ADAMTS2: variants seen among roughly 807,000 people sequenced by gnomAD.
ADAMTS2 encodes ADAM metallopeptidase with thrombospondin type 1 motif 2.
Under a neutral mutation model 123.0 loss-of-function variants are expected in ADAMTS2, and 50 were observed. The observed-to-expected ratio is 0.41, with a 90% confidence interval of 0.32 to 0.51. The LOEUF (loss-of-function observed/expected upper bound fraction) is 0.51. Ranked by LOEUF, ADAMTS2 falls within the 20% of genes least tolerant of loss-of-function variation. ADAMTS2 has a pLI of 0.35. For synonymous variants in ADAMTS2, 678 were observed against 695.4 expected, an observed-to-expected ratio of 0.98 and a Z score of 0.39; for missense variants, 1,494 against 1,705.2, an observed-to-expected ratio of 0.88 and a Z score of 2.18.
chr5:179,159,010 C>G (rs372378123), intron 5 of ADAMTS2, 131 bp from the exon 6 acceptor site: 2 of 1,238,374 alleles, frequency 1.6e-6, no homozygotes, highest in African/African-American at 3.0e-5. Flanking sequence ...AGGCCCTGCC[C>G]GGTCACTCTC....
chr5:179,180,934 T>C lies in ADAMTS2; in HGVS notation c.975+138A>G, dbSNP rs116237889. ...AAGGGAGCAGGGATCTTGTTTCTTA[T>C]AGGAACCTCAGGGGAGCCAGGGAGA... On this transcript the variant is annotated intron_variant, in intron 5 of 21. Coordinates refer to ENST00000251582, the MANE Select transcript of ADAMTS2 (RefSeq NM_014244.5). The surrounding 1 kb of genome is among the most constrained non-coding windows in gnomAD (Gnocchi z 4.6). 2,878 of 685,922 alleles carry C rather than the reference T, an allele frequency of 4.2e-3. 56 individuals carry two copies. The African/African-American group carries it at 0.044, about 11-fold the overall frequency. 42.5% of individuals were successfully genotyped at this position (685,922 alleles called of 1,614,324 possible).
In ADAMTS2 at chr5:179,325,404, G is replaced by A. The variant is rs142730222; in HGVS notation, c.534+18363C>T. Among the ~76,000 whole-genome samples the A allele has an allele frequency of 2.2e-3, 337 of 152,322 alleles. 4 individuals carry two copies. Among genetic ancestry groups the A allele is most frequent in the African/African-American group, 7.7e-3 (320 of 41,562 alleles). On this transcript the variant is annotated intron_variant, in intron 2 of 21. Transcript: ENST00000251582. ...AGGGAGAAGACAGGGCAGATGTCCTGGAGACAGAAGGCAATGGGGACCCAT... is the reference window on the plus strand; with the variant it reads ...AGGGAGAAGACAGGGCAGATGTCCTAGAGACAGAAGGCAATGGGGACCCAT...
In ADAMTS2 at chr5:179,188,819, G is replaced by A. The variant is rs1269600473; in HGVS notation, c.892-7664C>T. 1.3e-5 allele frequency among the ~76,000 whole-genome samples: 2 copies of A among 152,146 alleles called. No homozygotes were observed. The highest frequency in any genetic ancestry group is 2.1e-4 in the South Asian group (1 of 4,824). ...ACGGGGCTCCTCCACTTCCAGGCCA[G>A]CTCATCAATGCACAGAGCCCAGCAG... On this transcript the variant is annotated intron_variant, in intron 4 of 21. Coordinates refer to ENST00000251582, the MANE Select transcript of ADAMTS2 (RefSeq NM_014244.5). This position sits in a 1 kb window ranked among gnomAD's most constrained non-coding sequence, Gnocchi z 5.1.
chr5:179,153,989 C>G, intron 8 of ADAMTS2, 60 bp downstream of exon 8: 1 of 1,557,284 alleles, frequency 6.4e-7, no homozygotes, highest in Non-Finnish European at 8.7e-7. Context: ...GACTTGCACC[C>G]TCCCAGAGCT....
intron 4 of ADAMTS2, among the ~76,000 whole-genome samples, chr5:179,195,133 G>A (rs541326898): frequency 2.7e-4 from 41 of 152,262 alleles, no homozygotes; most frequent in African/African-American, 9.6e-4. Context: ...TCCTGATCCC[G>A]CTCCCCATAC....
At chr5:179,124,876 T>C (rs1028227551) in intron 19 of ADAMTS2, 97 bp downstream of exon 19, 19 of 1,597,108 alleles carry the variant, frequency 1.2e-5, no homozygotes, top group Non-Finnish European at 1.5e-5. Context: ...CGGGTGGTGG[T>C]GTTGTGTAGC....
At chr5:179,151,082 A>G (rs1406559189) in intron 10 of ADAMTS2, 1 of 356,458 alleles carries the variant, frequency 2.8e-6, no homozygotes, top group Non-Finnish European at 5.8e-6. Context: ...TTTTTAGTAG[A>G]GACGGGATTT....
At chr5:179,183,916 T>C (rs1281698136) in intron 4 of ADAMTS2, among the ~76,000 whole-genome samples, 3 of 152,102 alleles carry the variant, frequency 2.0e-5, no homozygotes, top group Non-Finnish European at 4.4e-5. Flanking sequence ...CTGCATCCTC[T>C]CTCTCTGCCG....
At chr5:179,241,470 T>C (rs1765670716) in intron 3 of ADAMTS2, among the ~76,000 whole-genome samples, 1 of 152,230 alleles carries the variant, frequency 6.6e-6, no homozygotes. Flanking sequence ...GTTGTTATTC[T>C]GCTCTTTCAT....
At position 179,118,458 on chromosome 5, in the gene ADAMTS2, A is replaced by G. The variant is rs1219393231; in HGVS notation, c.3178+3203T>C. Among the ~76,000 whole-genome samples, 1 of 152,196 alleles carries G rather than the reference A, an allele frequency of 6.6e-6. No individual in the cohort carries two copies. Among genetic ancestry groups the G allele is most frequent in the East Asian group, 1.9e-4 (1 of 5,200 alleles). On this transcript the variant is annotated intron_variant, in intron 21 of 21. Coordinates refer to ENST00000251582, the MANE Select transcript of ADAMTS2 (RefSeq NM_014244.5). The surrounding 1 kb of genome is among the most constrained non-coding windows in gnomAD (Gnocchi z 4.5). ...ATTGTCTTCCAGTGAATGACAATCA[A>G]CCATTGAGAGTAAACACAGTTTTCA...
rs965334236 is a variant in ADAMTS2, at chr5:179,137,323, T to C, written c.1951+446A>G. Among the ~76,000 whole-genome samples, 4 of 152,214 alleles carry C rather than the reference T, an allele frequency of 2.6e-5. No individual in the cohort carries two copies. In the East Asian group the frequency reaches 7.7e-4, roughly 29 times the overall value. Reference sequence around the variant, plus strand: ...CTCCTCAGGTCCCTGAGCCAATAAATGCCTTCTAGTGCTGAAACCGGTTGG... The same window carrying C: ...CTCCTCAGGTCCCTGAGCCAATAAACGCCTTCTAGTGCTGAAACCGGTTGG... On this transcript the variant is annotated intron_variant, in intron 12 of 21. Coordinates refer to ENST00000251582, the MANE Select transcript of ADAMTS2 (RefSeq NM_014244.5).
intron 2 of ADAMTS2, among the ~76,000 whole-genome samples, chr5:179,335,317 A>G (rs185006249): frequency 1.0e-3 from 152 of 152,316 alleles, no homozygotes; most frequent in African/African-American, 3.5e-3. Context: ...CTTTAAAATG[A>G]TCTATTAAAC....
At chr5:179,133,025 T>C (rs1762992905) in intron 13 of ADAMTS2, 125 bp from the exon 14 acceptor site, 15 of 1,337,790 alleles carry the variant, frequency 1.1e-5, no homozygotes, top group South Asian at 8.8e-5. Context: ...TCCCAAAGCA[T>C]TGGGATTACA....
chr5:179,119,393 G>A (rs760787113), intron 21 of ADAMTS2, among the ~76,000 whole-genome samples: 1 of 152,152 alleles, frequency 6.6e-6, no homozygotes, highest in Admixed American at 6.5e-5. Flanking sequence ...GGCCTTCCAC[G>A]CTTTCTTCCC....
At chr5:179,281,589 C>T (rs1296036106) in intron 2 of ADAMTS2, among the ~76,000 whole-genome samples, 2 of 152,138 alleles carry the variant, frequency 1.3e-5, no homozygotes, top group Non-Finnish European at 2.9e-5. Context: ...ATCCATTTGC[C>T]GGTTGATGGA....
intron 4 of ADAMTS2, among the ~76,000 whole-genome samples, chr5:179,206,370 C>G (rs550728459): frequency 6.6e-6 from 1 of 152,258 alleles, no homozygotes; most frequent in Non-Finnish European, 1.5e-5. Flanking sequence ...ACCCCTGGTC[C>G]GAAAAGCAGA....
chr5:179,147,765 G>A (rs1763278397), intron 10 of ADAMTS2, among the ~76,000 whole-genome samples: 1 of 152,180 alleles, frequency 6.6e-6, no homozygotes, highest in South Asian at 2.1e-4. Context: ...TGTAGCCAAA[G>A]CAGCAAAATG....
chr5:179,151,064 T>C (rs1480753083), intron 10 of ADAMTS2: 5 of 322,104 alleles, frequency 1.6e-5, no homozygotes, highest in Admixed American at 3.7e-5. Flanking sequence ...GCCCAGCTAA[T>C]TTTTGTATTT....
In ADAMTS2 at chr5:179,132,229, C is replaced by T. The variant is rs1762977377; in HGVS notation, c.2290+1G>A. The T allele has an allele frequency of 6.2e-7, 1 of 1,613,922 alleles. No individual in the cohort carries two copies. The highest frequency in any genetic ancestry group is 8.5e-7 in the Non-Finnish European group (1 of 1,179,962). On this transcript the variant is annotated splice_donor_variant, in intron 15 of 21. Transcript: ENST00000251582. LOFTEE classifies it high-confidence loss of function. The surrounding 1 kb of genome is among the most constrained non-coding windows in gnomAD (Gnocchi z 6.1). ...TCAAGTTGTCCGGCTCTGAGACTCA[C>T]CCAGATGGTGGCTGGTGGCGTCTAC... is the stretch of plus-strand genomic sequence containing the variant.
Sources: gnomAD v4.1 joint callset for allele counts (sites outside exome capture counted in the v4.1 genomes callset) on GRCh38, gnomAD v4.1.1 for gene constraint, Gnocchi (gnomAD v3.1) non-coding constraint, MANE v1.5 for transcripts, NCBI Gene and HGNC (gene_info 2026-07-23, HGNC 2026-07-21) for gene names.